Variants in AFF3 observed in about 807,000 individuals in gnomAD.
AFF3 encodes AF4/FMR2 family member 3.
AFF3 carries 32 observed loss-of-function variants against 129.7 expected under a neutral mutation model. The observed-to-expected ratio is 0.25, with a 90% CI of 0.19 to 0.33. The LOEUF is 0.33. AFF3 is among the 10% of genes least tolerant of loss of function. The pLI, the probability that AFF3 is intolerant of heterozygous loss-of-function variation, is 1.00. For missense variants in AFF3, 1,373 were observed against 1,592.0 expected, an observed-to-expected ratio of 0.86 and a Z score of 2.34; for synonymous variants, 644 against 635.4, an observed-to-expected ratio of 1.01 and a Z score of -0.20.
At chr2:99,696,275 C>A (rs535053424) in intron 11 of AFF3, among the ~76,000 whole-genome samples, 43 of 152,290 alleles carry the variant, frequency 2.8e-4, no homozygotes, top group African/African-American at 1.0e-3. Context: ...TCCACTCCAA[C>A]TCTTTGCACC....
At chr2:99,673,372 C>G (rs143650167) in intron 11 of AFF3, among the ~76,000 whole-genome samples, 2 of 152,218 alleles carry the variant, frequency 1.3e-5, no homozygotes, top group Admixed American at 1.3e-4. Context: ...CCAGGTCCCC[C>G]CATTCATCCT....
intron 4 of AFF3, among the ~76,000 whole-genome samples, chr2:100,055,224 T>C (rs1686666360): frequency 6.6e-6 from 1 of 152,160 alleles, no homozygotes; most frequent in Non-Finnish European, 1.5e-5. Context: ...TTTTTTACTA[T>C]ACCAACATCA....
intron 4 of AFF3, among the ~76,000 whole-genome samples, chr2:100,016,687 T>C (rs545313077): frequency 6.6e-6 from 1 of 150,472 alleles, no homozygotes; most frequent in African/African-American, 2.5e-5. Flanking sequence ...CTGGCAGTGA[T>C]GGTGGTGGTG....
intron 4 of AFF3, among the ~76,000 whole-genome samples, chr2:100,037,263 T>C (rs1684994264): frequency 6.6e-6 from 1 of 151,294 alleles, no homozygotes; most frequent in Non-Finnish European, 1.5e-5. Context: ...AAAAATATGG[T>C]ATTTAATAAT....
intron 7 of AFF3, among the ~76,000 whole-genome samples, chr2:99,922,193 A>G (rs1337780552): frequency 1.3e-5 from 2 of 152,142 alleles, no homozygotes; most frequent in Admixed American, 6.5e-5. Flanking sequence ...ACACAAATCT[A>G]CTCCATAACC....
intron 11 of AFF3, among the ~76,000 whole-genome samples, chr2:99,702,686 T>C (rs1676980093): frequency 6.6e-6 from 1 of 152,220 alleles, no homozygotes; most frequent in African/African-American, 2.4e-5. Flanking sequence ...TCTTTTCATG[T>C]GCTTATTTGC....
At chr2:99,821,951 G>C (rs1687720166) in intron 8 of AFF3, among the ~76,000 whole-genome samples, 1 of 152,174 alleles carries the variant, frequency 6.6e-6, no homozygotes, top group Non-Finnish European at 1.5e-5. Flanking sequence ...CCCCAAGGCT[G>C]TGAGAAAGAG....
chr2:99,896,278 C>G (rs72951695), intron 7 of AFF3, among the ~76,000 whole-genome samples: 12,459 of 151,946 alleles, frequency 0.082, 1,684 homozygotes, highest in African/African-American at 0.28. Context: ...ATGGAATGCA[C>G]CAAACATTCT....
At chr2:100,057,866 C>G (rs1353844770) in intron 4 of AFF3, among the ~76,000 whole-genome samples, 1 of 152,220 alleles carries the variant, frequency 6.6e-6, no homozygotes, top group African/African-American at 2.4e-5. Flanking sequence ...CCATGAATCC[C>G]TCAGCAACTG....
At chr2:99,589,115 A>G (rs1180657520) in intron 15 of AFF3, among the ~76,000 whole-genome samples, 2 of 152,168 alleles carry the variant, frequency 1.3e-5, no homozygotes, top group Non-Finnish European at 2.9e-5. Context: ...TATATTACCA[A>G]TGTCTATCTC....
intron 7 of AFF3, among the ~76,000 whole-genome samples, chr2:99,913,683 T>G (rs1177880345): frequency 6.6e-6 from 1 of 152,118 alleles, no homozygotes; most frequent in African/African-American, 2.4e-5. Context: ...TGATTCTAGG[T>G]TGGGGTTGTA....
chr2:99,692,112 T>C (rs1675726456), intron 11 of AFF3, among the ~76,000 whole-genome samples: 1 of 152,160 alleles, frequency 6.6e-6, no homozygotes, highest in Non-Finnish European at 1.5e-5. Flanking sequence ...CAGAAGAGCT[T>C]TGCTCAAAGC....
chr2:100,039,513 C>T (rs1685250151), intron 4 of AFF3, among the ~76,000 whole-genome samples: 11 of 152,052 alleles, frequency 7.2e-5, no homozygotes, highest in Admixed American at 5.9e-4. Context: ...GCTATGATGG[C>T]ACCACTGCAC....
At chr2:99,762,059 G>A (rs1682651395) in intron 8 of AFF3, among the ~76,000 whole-genome samples, 1 of 151,138 alleles carries the variant, frequency 6.6e-6, no homozygotes, top group Admixed American at 6.6e-5. Context: ...TGGCCTGTCT[G>A]TGAAGGTGAC....
intron 4 of AFF3, among the ~76,000 whole-genome samples, chr2:100,058,804 T>C (rs1687009985): frequency 6.6e-6 from 1 of 152,162 alleles, no homozygotes; most frequent in African/African-American, 2.4e-5. Flanking sequence ...AAAAAAGTTT[T>C]CATCAAAATT....
At chr2:100,000,321 C>T (rs939882173) in intron 7 of AFF3, among the ~76,000 whole-genome samples, 1 of 152,016 alleles carries the variant, frequency 6.6e-6, no homozygotes, top group African/African-American at 2.4e-5. Context: ...AACAAATACG[C>T]AGAAAAAGAG....
chr2:99,587,257 T>C lies in AFF3; in HGVS notation c.2488A>G (p.Arg830Gly), dbSNP rs777108699. The C allele has an allele frequency of 6.2e-7, 1 of 1,614,194 alleles. No homozygotes were observed. Among genetic ancestry groups the C allele is most frequent in the Non-Finnish European group, 8.5e-7 (1 of 1,180,022 alleles). Residue 830 changes from arginine to glycine, a missense_variant, in exon 16 of 25, where the codon AGG becomes GGG. This residue lies in a region of AFF3 where 466 missense variants were observed against 505.0 expected (regional missense o/e 0.92). Coordinates refer to ENST00000672756, the MANE Select transcript of AFF3 (RefSeq NM_001386135.1). ...TCTCCCTGGGACTTCTTGATCTCCC[T>C]GTAGTCGTCTTCGTTGTCACACTGT... The part of the protein sequence containing the change: ...KRKCDNEDDY[R>G]EIKKSQGEKD...
intron 8 of AFF3, among the ~76,000 whole-genome samples, chr2:99,798,948 C>G (rs947033816): frequency 5.3e-5 from 8 of 151,828 alleles, no homozygotes; most frequent in African/African-American, 1.9e-4. Context: ...ACTATGACAC[C>G]ATGGTCTAGG....
Position 99,574,372 on chromosome 2 carries a change from T to C in AFF3, c.2918+3955A>G, listed in dbSNP as rs570308791. 3.9e-5 allele frequency among the ~76,000 whole-genome samples: 6 copies of C among 152,334 alleles called. No individual in the cohort carries two copies. In the East Asian group the frequency reaches 1.2e-3, roughly 29 times the overall value. On this transcript the variant is annotated intron_variant, in intron 18 of 24. Coordinates refer to ENST00000672756, the MANE Select transcript of AFF3 (RefSeq NM_001386135.1). ...AAAAATAAATGTTATTCTTCTCAGT[T>C]CTGTCTGTATCCCAAAGGAACTAAC...
Sources: gnomAD v4.1 joint callset for allele counts (sites outside exome capture counted in the v4.1 genomes callset) on GRCh38, gnomAD v4.1.1 for gene constraint, gnomAD v4.1.1 regional missense constraint, MANE v1.5 for transcripts, NCBI Gene and HGNC (gene_info 2026-07-23, HGNC 2026-07-21) for gene names.